The following ESRRB variants were observed in gnomAD, a reference collection of about 807,000 sequenced individuals.
The protein encoded by ESRRB is estrogen related receptor beta, also known as steroid hormone receptor ERR2.
Under a neutral mutation model 46.0 loss-of-function variants are expected in ESRRB, and 16 were observed. The ratio of observed to expected loss-of-function variants is 0.35; its 90% confidence interval spans 0.24 to 0.53. The LOEUF (loss-of-function observed/expected upper bound fraction) is 0.53. ESRRB is among the 20% of genes least tolerant of loss of function. The probability of loss-of-function intolerance (pLI) is 0.93; values close to 1 mark genes in which losing one functional copy is unlikely to be tolerated. For missense variants in ESRRB, 488 were observed against 607.4 expected (o/e 0.80, Z 2.07); for synonymous variants, 246 against 259.6 (o/e 0.95, Z 0.50).
intron 2 of ESRRB, among the ~76,000 whole-genome samples, chr14:76,441,375 AG>A (rs1404942068): frequency 2.6e-5 from 4 of 152,116 alleles, no homozygotes; most frequent in African/African-American, 9.7e-5. Context: ...TGAATTGGGG[AG>A]AATAAATTGG....
intron 1 of ESRRB, among the ~76,000 whole-genome samples, chr14:76,329,082 C>T (rs921210332): frequency 1.3e-5 from 2 of 151,966 alleles, no homozygotes; most frequent in Admixed American, 1.3e-4. Context: ...GCTTGGCAGC[C>T]AGTATTTTAT....
chr14:76,313,397 C>T (rs543784705), intron 1 of ESRRB, among the ~76,000 whole-genome samples: 16 of 152,056 alleles, frequency 1.1e-4, no homozygotes, highest in South Asian at 6.2e-4. Flanking sequence ...TCTAACCATT[C>T]CATCCTTGTC....
chr14:76,337,196 G>C (rs1250646356), intron 1 of ESRRB, among the ~76,000 whole-genome samples: 1 of 152,166 alleles, frequency 6.6e-6, no homozygotes, highest in Non-Finnish European at 1.5e-5. Context: ...GGATGCTGCT[G>C]ATTAAAGGTG....
chr14:76,323,306 CTT>C lies in ESRRB; in HGVS notation c.2+12405_2+12406del, dbSNP rs57281578. 7.1e-3 allele frequency among the ~76,000 whole-genome samples: 985 copies of C among 138,336 alleles called. 4 individuals carry two copies. The highest frequency in any genetic ancestry group is 0.018 in the African/African-American group (682 of 37,738). The allele number at this position is 138,336 out of a possible 152,430, so 90.8% of individuals were successfully genotyped here. A position where few individuals can be genotyped will look rare whatever the true frequency, so the allele number is the denominator to read the frequency against. ...TTTTGGTCTCTCTCTCTCTCTTTCT[CTT>C]TTTTTTTTTTTTTTCTTTTGAGAGA... On this transcript the variant is annotated intron_variant, in intron 1 of 6. Transcript: ENST00000512784.
chr14:76,353,698 T>A (rs1387962365), intron 1 of ESRRB, among the ~76,000 whole-genome samples: 1 of 152,158 alleles, frequency 6.6e-6, no homozygotes, highest in Admixed American at 6.5e-5. Context: ...ATGCCTGTAA[T>A]CCCAGCACTT....
intron 2 of ESRRB, among the ~76,000 whole-genome samples, chr14:76,446,037 G>C (rs566147294): frequency 1.3e-5 from 2 of 152,172 alleles, no homozygotes; most frequent in Admixed American, 6.5e-5. Flanking sequence ...GTACAATGGC[G>C]GGGGAGGGAA....
chr14:76,365,350 A>G (rs1023609640), intron 1 of ESRRB, among the ~76,000 whole-genome samples: 1 of 152,200 alleles, frequency 6.6e-6, no homozygotes, highest in Non-Finnish European at 1.5e-5. Context: ...GTGGTGGTGC[A>G]CACCTGTGGT....
chr14:76,466,967 G>A (rs1283727653), intron 3 of ESRRB, among the ~76,000 whole-genome samples: 4 of 151,708 alleles, frequency 2.6e-5, no homozygotes, highest in Admixed American at 6.6e-5. Context: ...TGATCTGCCC[G>A]CCTCAGCCTC....
intron 2 of ESRRB, among the ~76,000 whole-genome samples, chr14:76,458,914 G>A (rs55633633): frequency 0.27 from 39,781 of 147,732 alleles, 5,536 homozygotes; most frequent in Middle Eastern, 0.33. Flanking sequence ...GCGCGATCTC[G>A]GCTCACTGCT....
chr14:76,326,860 A>C (rs1342540676), intron 1 of ESRRB, among the ~76,000 whole-genome samples: 1 of 152,164 alleles, frequency 6.6e-6, no homozygotes, highest in East Asian at 1.9e-4. Flanking sequence ...TCCAGACTTC[A>C]TATGTTTAGA....
At chr14:76,346,267 A>G (rs541384374) in intron 1 of ESRRB, among the ~76,000 whole-genome samples, 1 of 152,320 alleles carries the variant, frequency 6.6e-6, no homozygotes, top group South Asian at 2.1e-4. Flanking sequence ...GGTGAAGGAA[A>G]GCTGCTCCTC....
chr14:76,327,273 C>T (rs980470358), intron 1 of ESRRB, among the ~76,000 whole-genome samples: 1 of 152,220 alleles, frequency 6.6e-6, no homozygotes, highest in Non-Finnish European at 1.5e-5. Context: ...GTCTCTACCT[C>T]CTGGGGCTTG....
intron 1 of ESRRB, among the ~76,000 whole-genome samples, chr14:76,413,331 G>C (rs952334992): frequency 6.6e-6 from 1 of 152,132 alleles, no homozygotes; most frequent in Non-Finnish European, 1.5e-5. Flanking sequence ...CCTGTGCCCC[G>C]GCCCCGGCCA....
In ESRRB at chr14:76,439,488, T is replaced by C; in HGVS notation, c.198T>C (p.Phe66=). 6.2e-7 allele frequency: 1 copy of C among 1,612,552 alleles called. No individual in the cohort carries two copies. Among genetic ancestry groups the C allele is most frequent in the Non-Finnish European group, 8.5e-7 (1 of 1,179,802 alleles). The change falls in exon 2 of 7, where the codon TTT becomes TTC. Residue 66 remains phenylalanine (F), a synonymous_variant. Transcript: ENST00000644823. ...GCTCGTCCGACGCCAGCGGCGGCTT[T>C]GGCCTGGCCCTGGGCACCCACGCCA... ...PSGSSDASGG[F]GLALGTHANG...
At chr14:76,475,011 T>C (rs930764764) in intron 3 of ESRRB, among the ~76,000 whole-genome samples, 2 of 151,376 alleles carry the variant, frequency 1.3e-5, no homozygotes, top group Non-Finnish European at 2.9e-5. Flanking sequence ...GAAGGATCGC[T>C]TGAGGTCAGG....
At chr14:76,487,884 T>A (rs1274007645) in intron 5 of ESRRB, among the ~76,000 whole-genome samples, 2 of 152,226 alleles carry the variant, frequency 1.3e-5, no homozygotes, top group Non-Finnish European at 1.5e-5. Flanking sequence ...ATTACAGGCG[T>A]GAGCCACCGT....
rs930647682 is a variant in ESRRB at position 76,314,847 on chromosome 14, C to T, written c.2+3931C>T. Reference sequence around the variant, plus strand: ...AGTCAGAGCCATATGGCTGCCGAAACAGGCCCTGGCTCCCCTGGAGAGAGA... The same window carrying T: ...AGTCAGAGCCATATGGCTGCCGAAATAGGCCCTGGCTCCCCTGGAGAGAGA... On this transcript the variant is annotated intron_variant, in intron 1 of 6. Transcript: ENST00000512784. Among the ~76,000 whole-genome samples the T allele has an allele frequency of 2.0e-5, 3 of 152,182 alleles. No individual in the cohort carries two copies. The South Asian group carries it at 6.2e-4, about 32-fold the overall frequency.
intron 1 of ESRRB, among the ~76,000 whole-genome samples, chr14:76,409,037 C>T (rs1171142960): frequency 6.6e-6 from 1 of 152,136 alleles, no homozygotes; most frequent in African/African-American, 2.4e-5. Flanking sequence ...GGTGTTAATC[C>T]ACTCACCAAT....
chr14:76,333,688 C>A (rs533941098), intron 1 of ESRRB, among the ~76,000 whole-genome samples: 2 of 150,850 alleles, frequency 1.3e-5, no homozygotes, highest in South Asian at 2.1e-4. Flanking sequence ...TTTATTTAAC[C>A]CAATATATCA....
Sources: gnomAD v4.1 joint callset for allele counts (sites outside exome capture counted in the v4.1 genomes callset) on GRCh38, gnomAD v4.1.1 for gene constraint, MANE v1.5 for transcripts, NCBI Gene and HGNC (gene_info 2026-07-23, HGNC 2026-07-21) for gene names.